The following EXOC4 variants were observed in gnomAD, a reference collection of about 807,000 sequenced individuals.
EXOC4 encodes the protein exocyst complex component 4, also known as SEC8-like 1.
EXOC4 carries 71 observed loss-of-function variants against 107.2 expected under a neutral mutation model. The ratio of observed to expected loss-of-function variants is 0.66; its 90% confidence interval spans 0.55 to 0.81. The LOEUF (loss-of-function observed/expected upper bound fraction) is 0.81. EXOC4 is among the 30% of genes least tolerant of loss of function. The pLI, the probability that EXOC4 is intolerant of heterozygous loss-of-function variation, is 0.00. For synonymous variants in EXOC4, 456 were observed against 441.2 expected, an observed-to-expected ratio of 1.03 and a Z score of -0.42; for missense variants, 1,108 against 1,189.6, an observed-to-expected ratio of 0.93 and a Z score of 1.01.
chr7:133,960,631 C>T (rs1287193457), intron 14 of EXOC4, among the ~76,000 whole-genome samples: 1 of 152,152 alleles, frequency 6.6e-6, no homozygotes, highest in African/African-American at 2.4e-5. Context: ...AAGCATTTGA[C>T]AAAATCCAGC....
chr7:134,079,722 A>G, the EXOC4 span, among the ~76,000 whole-genome samples: 9 of 152,184 alleles, frequency 5.9e-5, no homozygotes, highest in African/African-American at 2.2e-4. Context: ...CTGGTCCTCC[A>G]CAATAGGACA....
intron 7 of EXOC4, among the ~76,000 whole-genome samples, chr7:133,376,564 G>T (rs1796495428): frequency 6.6e-6 from 1 of 152,150 alleles, no homozygotes; most frequent in African/African-American, 2.4e-5. Context: ...CTTCATCCCT[G>T]CATCTTCCTC....
chr7:133,991,817 G>A (rs1489111044), intron 14 of EXOC4, among the ~76,000 whole-genome samples: 3 of 152,040 alleles, frequency 2.0e-5, no homozygotes, highest in South Asian at 2.1e-4. Flanking sequence ...CTATGTGTCT[G>A]TTTTTTATGC....
chr7:133,999,392 G>T (rs1350079552), intron 15 of EXOC4, among the ~76,000 whole-genome samples: 3 of 152,074 alleles, frequency 2.0e-5, no homozygotes, highest in Admixed American at 6.6e-5. Flanking sequence ...CTTATTGCTT[G>T]TGAGAGCCTT....
chr7:134,068,448 CTT>C (rs759607475), downstream of EXOC4, among the ~76,000 whole-genome samples: 15 of 152,236 alleles, frequency 9.9e-5, no homozygotes, highest in Non-Finnish European at 1.5e-4. Flanking sequence ...TAAGACGTGA[CTT>C]TGCTCCTCCT....
intron 17 of EXOC4, among the ~76,000 whole-genome samples, chr7:134,022,718 T>G (rs908239136): frequency 1.3e-5 from 2 of 152,218 alleles, no homozygotes; most frequent in Non-Finnish European, 2.9e-5. Context: ...GCAGCTGTTT[T>G]AACAGGGAGC....
intron 7 of EXOC4, among the ~76,000 whole-genome samples, chr7:133,390,464 C>T (rs1796828168): frequency 6.6e-6 from 1 of 152,082 alleles, no homozygotes; most frequent in Non-Finnish European, 1.5e-5. Flanking sequence ...GAAATAAAAG[C>T]CGAGTCCATA....
At chr7:134,016,080 A>C (rs1349534989) in intron 17 of EXOC4, among the ~76,000 whole-genome samples, 1 of 152,128 alleles carries the variant, frequency 6.6e-6, no homozygotes, top group Non-Finnish European at 1.5e-5. Context: ...GCCAGATCAC[A>C]CTACAGTCAA....
At chr7:133,905,609 A>C (rs1052220868) in intron 12 of EXOC4, among the ~76,000 whole-genome samples, 1 of 152,136 alleles carries the variant, frequency 6.6e-6, no homozygotes, top group African/African-American at 2.4e-5. Context: ...TCTCTGTTCC[A>C]ATTTACTATC....
At chr7:133,638,826 T>C (rs1802777643) in intron 10 of EXOC4, among the ~76,000 whole-genome samples, 1 of 152,200 alleles carries the variant, frequency 6.6e-6, no homozygotes, top group African/African-American at 2.4e-5. Flanking sequence ...GATTTTGACC[T>C]AGATTTAAGC....
At chr7:133,919,818 G>A (rs1027097858) in intron 13 of EXOC4, among the ~76,000 whole-genome samples, 4 of 151,994 alleles carry the variant, frequency 2.6e-5, no homozygotes, top group African/African-American at 9.7e-5. Flanking sequence ...TTCAAGTTTT[G>A]GCAGTTATGA....
chr7:133,581,617 G>T (rs1027292959), intron 9 of EXOC4, among the ~76,000 whole-genome samples: 2 of 151,634 alleles, frequency 1.3e-5, no homozygotes, highest in Non-Finnish European at 2.9e-5. Flanking sequence ...AATTAGCCGG[G>T]CGTGGTGGTG....
chr7:133,325,613 A>T (rs1311294122), intron 5 of EXOC4, among the ~76,000 whole-genome samples: 2 of 152,158 alleles, frequency 1.3e-5, no homozygotes, highest in South Asian at 2.1e-4. Flanking sequence ...TTTGTGGGTA[A>T]CCCGACCTTT....
intron 17 of EXOC4, among the ~76,000 whole-genome samples, chr7:134,038,539 G>C (rs1334450005): frequency 6.6e-6 from 1 of 152,052 alleles, no homozygotes; most frequent in African/African-American, 2.4e-5. Context: ...AGTCTTTTTT[G>C]AGAAATCACT....
chr7:133,516,331 G>A (rs1254176815), intron 9 of EXOC4, among the ~76,000 whole-genome samples: 1 of 152,104 alleles, frequency 6.6e-6, no homozygotes, highest in East Asian at 1.9e-4. Flanking sequence ...GAGAATTTCT[G>A]TACCTGTCAA....
At chr7:133,489,916 T>G (rs1218294835) in intron 9 of EXOC4, among the ~76,000 whole-genome samples, 3 of 152,222 alleles carry the variant, frequency 2.0e-5, no homozygotes, top group Non-Finnish European at 4.4e-5. Context: ...ATTTCTAACT[T>G]GCCTTGCAGC....
chr7:133,629,839 G>A (rs6972009), intron 9 of EXOC4, among the ~76,000 whole-genome samples: 148,615 of 152,154 alleles, frequency 0.98, 72,675 homozygotes, highest in East Asian at 1. Context: ...CACCGTGCCC[G>A]GCTAGAGTGA....
In EXOC4 at chr7:133,328,730, A is replaced by G. The variant is rs77087062; in HGVS notation, c.763+11340A>G. Among the ~76,000 whole-genome samples, 26 of 152,288 alleles carry G rather than the reference A, an allele frequency of 1.7e-4. No homozygotes were observed. In the South Asian group the frequency reaches 3.1e-3, roughly 18 times the overall value. On this transcript the variant is annotated intron_variant, in intron 5 of 17. Transcript: ENST00000253861. ...CCTAGGTTGAAAATTCTTTTCTTTA[A>G]GAATGTTGAATATTGGCCCTCACTG...
intron 9 of EXOC4, among the ~76,000 whole-genome samples, chr7:133,584,667 C>G (rs1801360154): frequency 6.9e-6 from 1 of 145,644 alleles, no homozygotes; most frequent in Admixed American, 7.3e-5. Flanking sequence ...AAGCCTCTGC[C>G]TCCCGGGTTC....
Sources: gnomAD v4.1 joint callset for allele counts (sites outside exome capture counted in the v4.1 genomes callset) on GRCh38, gnomAD v4.1.1 for gene constraint, MANE v1.5 for transcripts, NCBI Gene and HGNC (gene_info 2026-07-23, HGNC 2026-07-21) for gene names.